Variants in XPO7 observed in about 807,000 individuals in gnomAD.
XPO7 encodes exportin 7.
A neutral mutation model predicts 144.3 loss-of-function variants in XPO7; 21 were observed. The observed-to-expected ratio is 0.15, with a 90% CI of 0.10 to 0.21. The LOEUF is 0.21. Ranked by LOEUF, XPO7 falls within the 10% of genes least tolerant of loss-of-function variation. The pLI, the probability that XPO7 is intolerant of heterozygous loss-of-function variation, is 1.00. For missense variants in XPO7, 808 were observed against 1,325.8 expected (o/e 0.61, Z 6.06); for synonymous variants, 580 against 499.6 (o/e 1.16, Z -2.15).
intron 1 of XPO7, among the ~76,000 whole-genome samples, chr8:21,951,908 G>T (rs1448369730): frequency 3.0e-4 from 45 of 152,296 alleles, no homozygotes; most frequent in Admixed American, 2.9e-3. Flanking sequence ...TAGAAGTGAT[G>T]AAGAGACACA....
intron 3 of XPO7, chr8:21,969,938 C>G (rs1811998274): frequency 4.9e-6 from 3 of 615,120 alleles, no homozygotes; most frequent in Non-Finnish European, 8.0e-6. Flanking sequence ...CTTCATGAGA[C>G]AAAATAAAAT....
chr8:21,999,762 A>G (rs1813076163), intron 24 of XPO7, 88 bp downstream of exon 24: 1 of 1,530,288 alleles, frequency 6.5e-7, no homozygotes, highest in Non-Finnish European at 8.9e-7. Flanking sequence ...CCCAGTGTCC[A>G]AAAAGATCAC....
At chr8:21,924,766 T>C (rs1810405423) in intron 1 of XPO7, among the ~76,000 whole-genome samples, 2 of 152,240 alleles carry the variant, frequency 1.3e-5, no homozygotes, top group South Asian at 4.1e-4. Flanking sequence ...GAGAAACTGA[T>C]TTACAAGTAT....
chr8:21,980,457 A>AT, intron 9 of XPO7, among the ~76,000 whole-genome samples: 1 of 152,098 alleles, frequency 6.6e-6, no homozygotes, highest in Admixed American at 6.5e-5. Flanking sequence ...GAAGCTAGTC[A>AT]TTTTTCCCCC....
At chr8:21,938,529 G>A (rs1018833699) in intron 1 of XPO7, among the ~76,000 whole-genome samples, 1 of 152,134 alleles carries the variant, frequency 6.6e-6, no homozygotes, top group African/African-American at 2.4e-5. Context: ...TCAAGGCACT[G>A]AGAAACTCAC....
chr8:21,996,015 C>T (rs1316303050), intron 21 of XPO7, among the ~76,000 whole-genome samples: 1 of 152,034 alleles, frequency 6.6e-6, no homozygotes, highest in African/African-American at 2.4e-5. Flanking sequence ...CAGGGTTTCA[C>T]CATGTTAGCC....
At chr8:21,990,715 T>C (rs1812743661) in intron 17 of XPO7, 96 bp from the exon 18 acceptor site, 1 of 1,270,436 alleles carries the variant, frequency 7.9e-7, no homozygotes, top group South Asian at 1.2e-5. Flanking sequence ...TACATAACCA[T>C]TGGCTTGAAA....
chr8:21,991,063 C>A, intron 18 of XPO7, 144 bp downstream of exon 18: 1 of 736,712 alleles, frequency 1.4e-6, no homozygotes, highest in Non-Finnish European at 2.3e-6. Context: ...CCTGATTTCA[C>A]CAAGAACAGA....
At position 22,005,239 on chromosome 8, in the gene XPO7, G is replaced by A; in HGVS notation, c.*151G>A. 1 of 549,596 alleles carries A rather than the reference G, an allele frequency of 1.8e-6. No homozygotes were observed. The highest frequency in any genetic ancestry group is 3.1e-6 in the Non-Finnish European group (1 of 319,662). 34.0% of individuals were successfully genotyped at this position (549,596 alleles called of 1,614,324 possible). Reference sequence around the variant, plus strand: ...AAAGGTCAACTAGCTGCTTCCCCAGGGAATAGGGGTGTGAGTACACTCACT... The same window carrying A: ...AAAGGTCAACTAGCTGCTTCCCCAGAGAATAGGGGTGTGAGTACACTCACT... On this transcript the variant is annotated 3_prime_UTR_variant, in exon 28 of 28. Coordinates refer to ENST00000252512, the MANE Select transcript of XPO7 (RefSeq NM_015024.5).
At chr8:21,969,980 T>G in intron 3 of XPO7, 164 bp from the exon 4 acceptor site, 1 of 794,278 alleles carries the variant, frequency 1.3e-6, no homozygotes, top group Non-Finnish European at 1.9e-6. Context: ...ATCTTAAATT[T>G]AAAGTCCCAT....
chr8:21,934,540 A>T (rs1033674224), intron 1 of XPO7, among the ~76,000 whole-genome samples: 36 of 152,232 alleles, frequency 2.4e-4, no homozygotes, highest in African/African-American at 8.4e-4. Flanking sequence ...TCTCAAAAAA[A>T]AAAAAGAAAT....
rs1040062296 is a variant in XPO7, at chr8:21,962,319, C to T, written c.19-4538C>T. Among the ~76,000 whole-genome samples, 5 of 152,126 alleles carry T rather than the reference C, an allele frequency of 3.3e-5. No individual in the cohort carries two copies. In the South Asian group the frequency reaches 1.0e-3, roughly 32 times the overall value. On this transcript the variant is annotated intron_variant, in intron 1 of 27. Transcript: ENST00000252512. ...AAGAAGAAACCTTGAATGTTCTTTT[C>T]AGGCCGCTAAAACTACCAGCACTGG...
chr8:21,945,178 G>A (rs983714559), intron 1 of XPO7, among the ~76,000 whole-genome samples: 19 of 152,170 alleles, frequency 1.2e-4, no homozygotes, highest in African/African-American at 4.3e-4. Flanking sequence ...TCCCAGACGG[G>A]GCAGCTGGGC....
chr8:21,966,656 C>T (rs544989921), intron 1 of XPO7, among the ~76,000 whole-genome samples: 23 of 152,258 alleles, frequency 1.5e-4, no homozygotes, highest in Non-Finnish European at 5.9e-5. Flanking sequence ...GTATTCTAAG[C>T]ATCTTACCAT....
intron 1 of XPO7, among the ~76,000 whole-genome samples, chr8:21,963,536 A>G (rs543852069): frequency 6.6e-6 from 1 of 152,244 alleles, no homozygotes; most frequent in Non-Finnish European, 1.5e-5. Context: ...TCTACTAAAA[A>G]TATAAAAAAT....
chr8:21,942,884 G>A (rs1268583598), intron 1 of XPO7, among the ~76,000 whole-genome samples: 1 of 152,144 alleles, frequency 6.6e-6, no homozygotes, highest in Non-Finnish European at 1.5e-5. Context: ...CTTTAAACTA[G>A]CTGGGTTTTT....
chr8:21,919,964 G>C (rs1810212598), intron 1 of XPO7, among the ~76,000 whole-genome samples, 176 bp downstream of exon 1: 5 of 151,282 alleles, frequency 3.3e-5, no homozygotes, highest in African/African-American at 1.2e-4. Flanking sequence ...CCGCCTCCCG[G>C]GCCGGGGGCC....
intron 25 of XPO7, 21 bp from the exon 26 acceptor site, chr8:22,003,198 A>G (rs1232228814): frequency 6.3e-7 from 1 of 1,593,840 alleles, no homozygotes; most frequent in African/African-American, 1.3e-5. Context: ...CACTGCCTGA[A>G]ATTCTCCATT....
At chr8:21,998,647 C>T (rs1813033977) in intron 21 of XPO7, 108 bp from the exon 22 acceptor site, 9 of 838,014 alleles carry the variant, frequency 1.1e-5, no homozygotes, top group South Asian at 6.6e-5. Flanking sequence ...AATTGCTTAC[C>T]TTAATGTAAA....
Sources: gnomAD v4.1 joint callset for allele counts (sites outside exome capture counted in the v4.1 genomes callset) on GRCh38, gnomAD v4.1.1 for gene constraint, MANE v1.5 for transcripts, NCBI Gene and HGNC (gene_info 2026-07-23, HGNC 2026-07-21) for gene names.